Variants in COL6A2 observed in about 807,000 individuals in gnomAD.
COL6A2 encodes the protein collagen alpha-2(VI) chain.
COL6A2 carries 90 observed loss-of-function variants against 124.9 expected under a neutral mutation model. That is an observed-to-expected ratio of 0.72 (90% CI 0.61 to 0.86). The LOEUF is 0.86. Ranked by LOEUF, COL6A2 falls within the 40% of genes least tolerant of loss-of-function variation. The probability of loss-of-function intolerance (pLI) is 0.00; values close to 1 mark genes in which losing one functional copy is unlikely to be tolerated. For missense variants in COL6A2, 1,607 were observed against 1,502.5 expected (o/e 1.07, Z -1.15); for synonymous variants, 793 against 618.2 (o/e 1.28, Z -4.19).
chr21:46,129,222 C>G, intron 27 of COL6A2: 1 of 1,612,924 alleles, frequency 6.2e-7, no homozygotes, highest in African/African-American at 1.3e-5. Flanking sequence ...CGGCGAGCCC[C>G]CGGTCACCTT....
rs569370833 is a variant in COL6A2 at position 46,115,274 on chromosome 21, C to T, written c.802-598C>T. ...CTGTGATGTTCCAGAAGCCTCTGCC[C>T]ACCTCATCCCCTGCCCTGAGTTTCC... is the stretch of plus-strand genomic sequence containing the variant. On this transcript the variant is annotated intron_variant, in intron 5 of 27. Coordinates refer to ENST00000300527, the MANE Select transcript of COL6A2 (RefSeq NM_001849.4). 2.0e-5 allele frequency among the ~76,000 whole-genome samples: 3 copies of T among 152,338 alleles called. No homozygotes were observed. In the East Asian group the frequency reaches 5.8e-4, roughly 29 times the overall value.
intron 18 of COL6A2, 38 bp downstream of exon 18, chr21:46,121,656 C>A (rs372395988): frequency 4.2e-5 from 67 of 1,604,312 alleles, no homozygotes; most frequent in Non-Finnish European, 5.5e-5. Flanking sequence ...ATTAGGGGTT[C>A]GGGGCAGCTG....
intron 15 of COL6A2, 93 bp from the exon 16 acceptor site, chr21:46,120,422 C>CT (rs943852291): frequency 2.9e-6 from 3 of 1,042,594 alleles, no homozygotes; most frequent in Non-Finnish European, 4.3e-6. Flanking sequence ...CCCAGGCCCC[C>CT]TTCCCCAACC....
intron 5 of COL6A2, among the ~76,000 whole-genome samples, chr21:46,115,532 C>T (rs1427399726): frequency 6.6e-6 from 1 of 152,202 alleles, no homozygotes; most frequent in Non-Finnish European, 1.5e-5. Context: ...ACCCAGGCAT[C>T]GCTGGAGAAT....
At chr21:46,127,435 G>A (rs533879302) in intron 27 of COL6A2, among the ~76,000 whole-genome samples, 11 of 152,264 alleles carry the variant, frequency 7.2e-5, no homozygotes, top group Admixed American at 3.9e-4. Context: ...ACTCAGAGCC[G>A]AGGTTCCCCA....
chr21:46,105,633 T>C (rs140282249), intron 1 of COL6A2, among the ~76,000 whole-genome samples: 112 of 152,320 alleles, frequency 7.4e-4, no homozygotes, highest in African/African-American at 2.6e-3. Flanking sequence ...CCATTGAAGC[T>C]AAACTGGTAT....
intron 18 of COL6A2, 83 bp from the exon 19 acceptor site, chr21:46,122,025 T>G: frequency 1.4e-6 from 2 of 1,432,436 alleles, no homozygotes; most frequent in Admixed American, 3.5e-5. Flanking sequence ...CACCCCAGTG[T>G]GCACCTTGCG....
chr21:46,100,519 T>C (rs1156328796), intron 1 of COL6A2, among the ~76,000 whole-genome samples: 2 of 152,268 alleles, frequency 1.3e-5, no homozygotes, highest in Non-Finnish European at 2.9e-5. Context: ...CGGAACTCTT[T>C]TCCTCTTGTC....
chr21:46,132,210 G>A lies in COL6A2; in HGVS notation c.2718G>A (p.Glu906=), dbSNP rs752963092. 7 of 1,589,940 alleles carry A rather than the reference G, an allele frequency of 4.4e-6. No homozygotes were observed. The Admixed American group carries it at 7.0e-5, about 16-fold the overall frequency. The change falls in exon 28 of 28, where the codon GAG becomes GAA. Residue 906 remains glutamate (E), a synonymous_variant. Transcript: ENST00000300527. ...TCACGGCCATCCACGAGGCGCTGGA[G>A]ACCACACAATACCTGAACTCCTTCT... ...HNLTAIHEAL[E]TTQYLNSFSH... is the part of the protein sequence containing the mutation.
rs148178994 is a variant in COL6A2, at chr21:46,125,592, C to T, written c.1944C>T (p.Ile648=). The change falls in exon 25 of 28, where the codon ATC becomes ATT. Residue 648 remains isoleucine (I), a synonymous_variant. Coordinates refer to ENST00000300527, the MANE Select transcript of COL6A2 (RefSeq NM_001849.4). ...VINVVNRLGA[I]AKDPKSETGT... is the part of the protein sequence containing the mutation. ...ACGTGGTCAACAGGCTGGGTGCCATCGCTAAGGACCCCAAGTCCGAGACAG... is the reference window on the plus strand; with the variant it reads ...ACGTGGTCAACAGGCTGGGTGCCATTGCTAAGGACCCCAAGTCCGAGACAG... 1.3e-4 allele frequency: 211 copies of T among 1,612,522 alleles called. No individual in the cohort carries two copies. The highest frequency in any genetic ancestry group is 8.3e-4 in the African/African-American group (62 of 74,964).
intron 12 of COL6A2, 80 bp downstream of exon 12, chr21:46,118,016 G>A: frequency 7.2e-7 from 1 of 1,392,604 alleles, no homozygotes; most frequent in Non-Finnish European, 1.0e-6. Flanking sequence ...CAGCTGAGAA[G>A]CTGAGCAGAG....
At chr21:46,109,085 G>A (rs1336741174) in intron 1 of COL6A2, among the ~76,000 whole-genome samples, 1 of 151,928 alleles carries the variant, frequency 6.6e-6, no homozygotes, top group Non-Finnish European at 1.5e-5. Context: ...CTGCAGGCAG[G>A]TCATCCCATT....
In COL6A2 at chr21:46,124,729, G is replaced by A. The variant is rs766042640; in HGVS notation, c.1734+16G>A. On this transcript the variant is annotated intron_variant, in intron 22 of 27. Coordinates refer to ENST00000300527, the MANE Select transcript of COL6A2 (RefSeq NM_001849.4). ...AGGACCCGAGGTAGGTTGGTGGCCA[G>A]TCCCCATGCCCTCCCCCCAACCTGC... is the stretch of plus-strand genomic sequence containing the variant. 5.5e-5 allele frequency: 89 copies of A among 1,612,218 alleles called. 2 individuals carry two copies. The South Asian group carries it at 9.7e-4, about 18-fold the overall frequency.
At chr21:46,124,585 G>A in intron 21 of COL6A2, 66 bp from the exon 22 acceptor site, 1 of 1,507,210 alleles carries the variant, frequency 6.6e-7, no homozygotes, top group African/African-American at 1.4e-5. Flanking sequence ...CAGCACAGGG[G>A]GCCCTGCTGT....
chr21:46,132,376 C>G lies in COL6A2; in HGVS notation c.2884C>G (p.His962Asp), dbSNP rs373184224. 5.6e-6 allele frequency: 9 copies of G among 1,609,460 alleles called. No homozygotes were observed. The highest frequency in any genetic ancestry group is 5.9e-6 in the Non-Finnish European group (7 of 1,179,488). The stretch of plus-strand genomic sequence containing the variant: ...CAACGACAGTCTGCACGAGTCGGCG[C>G]ACTCCATGCGCAAGCAGAACGTGGT... ...TGNDSLHESA[H>D]SMRKQNVVPT... Residue 962 changes from histidine (H) to aspartate (D), a missense_variant, in exon 28 of 28, where the codon CAC becomes GAC. Around this residue, in one of 3 missense-constraint regions of COL6A2, gnomAD observed 1,223 missense variants for 1,052.2 expected, o/e 1.16. Transcript: ENST00000300527.
Position 46,125,487 on chromosome 21 carries a change from C to T in COL6A2, c.1839C>T (p.Ala613=), listed in dbSNP as rs776994248. ...GCCDCEKRCG[A]LDVVFVIDSS... ...CAGACTGTGAGAAGCGCTGTGGCGC[C>T]CTGGACGTGGTCTTCGTCATCGACA... Residue 613 remains alanine, a synonymous_variant, in exon 25 of 28, where the codon GCC becomes GCT. Coordinates refer to ENST00000300527, the MANE Select transcript of COL6A2 (RefSeq NM_001849.4). 6 of 1,612,964 alleles carry T rather than the reference C, an allele frequency of 3.7e-6. No individual in the cohort carries two copies. The highest frequency in any genetic ancestry group is 2.2e-5 in the East Asian group (1 of 44,862).
chr21:46,130,001 C>T (rs1009382136), intron 27 of COL6A2, among the ~76,000 whole-genome samples: 4 of 152,182 alleles, frequency 2.6e-5, no homozygotes, highest in African/African-American at 4.8e-5. Context: ...AAACAGGCCC[C>T]AGAGGCTGGT....
intron 21 of COL6A2, among the ~76,000 whole-genome samples, chr21:46,124,421 G>A (rs1230553838): frequency 6.6e-6 from 1 of 152,134 alleles, no homozygotes. Context: ...GCTCTGCCAG[G>A]CCCCTACCCC....
At chr21:46,113,128 C>T (rs1180729379) in intron 4 of COL6A2, among the ~76,000 whole-genome samples, 1 of 152,186 alleles carries the variant, frequency 6.6e-6, no homozygotes, top group Non-Finnish European at 1.5e-5. Context: ...GGCCCGAGCC[C>T]AGCCCAGCAG....
Sources: gnomAD v4.1 joint callset for allele counts (sites outside exome capture counted in the v4.1 genomes callset) on GRCh38, gnomAD v4.1.1 for gene constraint, gnomAD v4.1.1 regional missense constraint, MANE v1.5 for transcripts, NCBI Gene and HGNC (gene_info 2026-07-23, HGNC 2026-07-21) for gene names.